The following BCAS3 variants were observed in gnomAD, a reference collection of about 807,000 sequenced individuals.
BCAS3 encodes BCAS3 microtubule associated cell migration factor, also known as BCAS4/BCAS3 fusion.
Under a neutral mutation model 116.1 loss-of-function variants are expected in BCAS3, and 53 were observed. The observed-to-expected ratio is 0.46, with a 90% confidence interval of 0.37 to 0.57. The LOEUF is 0.57. BCAS3 is among the 20% of genes least tolerant of loss of function. The pLI is 0.00. For synonymous variants in BCAS3, 391 were observed against 408.2 expected (o/e 0.96, Z 0.51); for missense variants, 917 against 1,165.4 (o/e 0.79, Z 3.10).
Position 61,220,434 on chromosome 17 carries a change from G to A in BCAS3, c.2425+135870G>A, listed in dbSNP as rs1341497297. ...ATTTTAGAGTTTACAGTTAATTAAT[G>A]CTACTTTGTCAACTTGGTTCCATTA... On this transcript the variant is annotated intron_variant, in intron 22 of 23. Coordinates refer to ENST00000407086, the MANE Select transcript of BCAS3 (RefSeq NM_017679.5). This position sits in a 1 kb window ranked among gnomAD's most constrained non-coding sequence, Gnocchi z 4.5. Among the ~76,000 whole-genome samples the A allele has an allele frequency of 6.6e-6, 1 of 152,120 alleles. No individual in the cohort carries two copies.
chr17:60,841,399 A>G (rs1260183998), intron 7 of BCAS3, among the ~76,000 whole-genome samples: 4 of 138,344 alleles, frequency 2.9e-5, no homozygotes, highest in South Asian at 4.4e-4. Context: ...TTTTTTTTTG[A>G]GACCGAGTCT....
intron 17 of BCAS3, among the ~76,000 whole-genome samples, chr17:61,035,144 T>C (rs907233441): frequency 6.6e-6 from 1 of 152,174 alleles, no homozygotes; most frequent in African/African-American, 2.4e-5. Context: ...TCATTGTCCC[T>C]GTTTTAGAGA....
In BCAS3 at chr17:61,196,988, C is replaced by G. The variant is rs1426343237; in HGVS notation, c.2425+112424C>G. ...TGTTGGCTCACTCCCAGAATTTTAT[C>G]CAAGGGATAGGGTTCATTTTTGTAA... On this transcript the variant is annotated intron_variant, in intron 22 of 23. Coordinates refer to ENST00000407086, the MANE Select transcript of BCAS3 (RefSeq NM_017679.5). The surrounding 1 kb of genome is among the most constrained non-coding windows in gnomAD (Gnocchi z 4.7). Among the ~76,000 whole-genome samples the G allele has an allele frequency of 6.6e-6, 1 of 152,146 alleles. No homozygotes were observed. The highest frequency in any genetic ancestry group is 1.5e-5 in the Non-Finnish European group (1 of 68,022).
chr17:60,991,222 A>G (rs2063504721), intron 15 of BCAS3, among the ~76,000 whole-genome samples: 1 of 151,990 alleles, frequency 6.6e-6, no homozygotes, highest in African/African-American at 2.4e-5. Context: ...GTATATTTTG[A>G]TATCTTTGGC....
At chr17:61,303,458 C>T (rs1433139902) in intron 22 of BCAS3, among the ~76,000 whole-genome samples, 1 of 152,134 alleles carries the variant, frequency 6.6e-6, no homozygotes, top group African/African-American at 2.4e-5. Context: ...GAGTACTGAT[C>T]TAGGTTCAGC....
At chr17:61,042,871 C>A (rs555506251) in intron 19 of BCAS3, among the ~76,000 whole-genome samples, 1 of 105,666 alleles carries the variant, frequency 9.5e-6, no homozygotes, top group Admixed American at 1.4e-4. Context: ...GCCTAGGCAA[C>A]AGAGCAAGAC....
At position 61,140,820 on chromosome 17, in the gene BCAS3, G is replaced by C. The variant is rs921801441; in HGVS notation, c.2425+56256G>C. ...ACTCTATGACTTTGGGCACATTACAGATTGTAATGTAGTGGATTGATGGTA... is the reference window on the plus strand; with the variant it reads ...ACTCTATGACTTTGGGCACATTACACATTGTAATGTAGTGGATTGATGGTA... On this transcript the variant is annotated intron_variant, in intron 22 of 23. Transcript: ENST00000407086. This position sits in a 1 kb window ranked among gnomAD's most constrained non-coding sequence, Gnocchi z 4.2. Among the ~76,000 whole-genome samples the C allele has an allele frequency of 6.6e-6, 1 of 152,106 alleles. No individual in the cohort carries two copies. The highest frequency in any genetic ancestry group is 6.5e-5 in the Admixed American group (1 of 15,276).
intron 13 of BCAS3, among the ~76,000 whole-genome samples, chr17:60,927,782 T>C (rs900769550): frequency 6.6e-6 from 1 of 152,216 alleles, no homozygotes; most frequent in African/African-American, 2.4e-5. Flanking sequence ...AAATAATGGT[T>C]ATTTTTATAT....
chr17:61,324,390 TGTCAG>T lies in BCAS3; in HGVS notation c.2426-43935_2426-43931del, dbSNP rs1183063909. 6.6e-6 allele frequency among the ~76,000 whole-genome samples: 1 copy of T among 152,238 alleles called. No homozygotes were observed. The highest frequency in any genetic ancestry group is 1.5e-5 in the Non-Finnish European group (1 of 68,044). ...ATTTGACCCCTGCAAGGCTGATCAC[TGTCAG>T]GGCAGGGCAGGGAGAGGCTGCCCCG... On this transcript the variant is annotated intron_variant, in intron 22 of 23. Coordinates refer to ENST00000407086, the MANE Select transcript of BCAS3 (RefSeq NM_017679.5). This position sits in a 1 kb window ranked among gnomAD's most constrained non-coding sequence, Gnocchi z 4.6.
intron 22 of BCAS3, among the ~76,000 whole-genome samples, chr17:61,272,982 T>C (rs2050439374): frequency 6.6e-6 from 1 of 152,172 alleles, no homozygotes; most frequent in African/African-American, 2.4e-5. Flanking sequence ...GCCTTGGTAA[T>C]TCCTTTATGT....
chr17:61,329,990 C>T (rs929472), intron 22 of BCAS3, among the ~76,000 whole-genome samples: 63,468 of 151,958 alleles, frequency 0.42, 14,961 homozygotes, highest in African/African-American at 0.64. Context: ...AGACACCGTC[C>T]CTGCCCTAAC....
At chr17:61,123,300 A>C (rs1568402869) in intron 22 of BCAS3, among the ~76,000 whole-genome samples, 1 of 151,984 alleles carries the variant, frequency 6.6e-6, no homozygotes, top group Non-Finnish European at 1.5e-5. Flanking sequence ...TGCAGCATAT[A>C]TGTGACCTGG....
rs554982412 is a variant in BCAS3, at chr17:61,023,475, A to G, written c.1637+7574A>G. Reference sequence around the variant, plus strand: ...TCTTTAACTCTGGAGATGATTGAACAGAATTGTTACTAATACCTTTTAGCA... The same window carrying G: ...TCTTTAACTCTGGAGATGATTGAACGGAATTGTTACTAATACCTTTTAGCA... On this transcript the variant is annotated intron_variant, in intron 16 of 23. Transcript: ENST00000407086. The surrounding 1 kb of genome is among the most constrained non-coding windows in gnomAD (Gnocchi z 4.8). 4.1e-4 allele frequency among the ~76,000 whole-genome samples: 62 copies of G among 152,230 alleles called. 1 individual carries two copies. Among genetic ancestry groups the G allele is most frequent in the Non-Finnish European group, 3.1e-4 (21 of 68,020 alleles).
chr17:61,265,757 T>C lies in BCAS3; in HGVS notation c.2426-102570T>C, dbSNP rs556756713. ...GTGTGTGTCATACTGTCCTGGACTCTGTATAGCAAAGATTTAATGACCATG... is the reference window on the plus strand; with the variant it reads ...GTGTGTGTCATACTGTCCTGGACTCCGTATAGCAAAGATTTAATGACCATG... On this transcript the variant is annotated intron_variant, in intron 22 of 23. Coordinates refer to ENST00000407086, the MANE Select transcript of BCAS3 (RefSeq NM_017679.5). This position sits in a 1 kb window ranked among gnomAD's most constrained non-coding sequence, Gnocchi z 4.3. 1.3e-5 allele frequency among the ~76,000 whole-genome samples: 2 copies of C among 152,278 alleles called. No homozygotes were observed. The highest frequency in any genetic ancestry group is 4.1e-4 in the South Asian group (2 of 4,828).
In BCAS3 at chr17:60,899,064, T is replaced by G. The variant is rs138425899; in HGVS notation, c.739-3556T>G. Among the ~76,000 whole-genome samples the G allele has an allele frequency of 7.0e-3, 1,070 of 152,198 alleles. 3 individuals are homozygous for G. Among genetic ancestry groups the G allele is most frequent in the Non-Finnish European group, 0.013 (877 of 67,980 alleles). On this transcript the variant is annotated intron_variant, in intron 10 of 23. Transcript: ENST00000407086. ...AAGGCAGAACTAGGCTGGGTGGGCT[T>G]GTTCTCAGGCTCCCCAATGATGAGA...
intron 12 of BCAS3, among the ~76,000 whole-genome samples, chr17:60,916,051 A>T (rs2058764134): frequency 2.0e-5 from 3 of 151,810 alleles, no homozygotes; most frequent in African/African-American, 7.3e-5. Flanking sequence ...TCAATTATTC[A>T]CCCCTTGAAG....
At chr17:60,698,169 G>A (rs1277051672) in intron 4 of BCAS3, among the ~76,000 whole-genome samples, 2 of 127,658 alleles carry the variant, frequency 1.6e-5, no homozygotes, top group African/African-American at 6.1e-5. Flanking sequence ...GTGACAGAGC[G>A]AGACTCCGTC....
intron 7 of BCAS3, among the ~76,000 whole-genome samples, chr17:60,837,403 T>C (rs987732316): frequency 8.5e-5 from 13 of 152,152 alleles, no homozygotes; most frequent in Non-Finnish European, 2.9e-5. Flanking sequence ...AACCCTTTAA[T>C]GAGACTAACT....
chr17:61,137,188 T>C (rs1232448936), intron 22 of BCAS3, among the ~76,000 whole-genome samples: 1 of 152,146 alleles, frequency 6.6e-6, no homozygotes, highest in Non-Finnish European at 1.5e-5. Flanking sequence ...AGTTGATTTG[T>C]TTATCTCTTC....
Sources: gnomAD v4.1 joint callset for allele counts (sites outside exome capture counted in the v4.1 genomes callset) on GRCh38, gnomAD v4.1.1 for gene constraint, Gnocchi (gnomAD v3.1) non-coding constraint, MANE v1.5 for transcripts, NCBI Gene and HGNC (gene_info 2026-07-23, HGNC 2026-07-21) for gene names.